Variants in OSBPL6 observed in about 807,000 individuals in gnomAD.
The protein encoded by OSBPL6 is oxysterol binding protein like 6.
OSBPL6 carries 49 observed loss-of-function variants against 125.8 expected under a neutral mutation model. The ratio of observed to expected loss-of-function variants is 0.39; its 90% CI spans 0.31 to 0.49. OSBPL6 has a LOEUF of 0.49. OSBPL6 is among the 20% of genes least tolerant of loss of function. The pLI is 0.88. For synonymous variants in OSBPL6, 394 were observed against 391.8 expected (o/e 1.01, Z -0.07); for missense variants, 986 against 1,135.4 (o/e 0.87, Z 1.89).
At chr2:178,379,788 C>T (rs143484887) in intron 15 of OSBPL6, among the ~76,000 whole-genome samples, 6 of 152,252 alleles carry the variant, frequency 3.9e-5, no homozygotes, top group South Asian at 2.1e-4. Flanking sequence ...GAACCAGTTG[C>T]AGCGGGAAAA....
At chr2:178,314,888 C>G (rs920805457) in intron 3 of OSBPL6, among the ~76,000 whole-genome samples, 2 of 152,186 alleles carry the variant, frequency 1.3e-5, no homozygotes, top group Non-Finnish European at 2.9e-5. Flanking sequence ...GCTTGCCAAG[C>G]TGGATGTCCA....
chr2:178,254,325 G>A (rs758662404), intron 1 of OSBPL6, among the ~76,000 whole-genome samples: 27 of 151,634 alleles, frequency 1.8e-4, no homozygotes, highest in Non-Finnish European at 3.1e-4. Context: ...CCCGAGAGGC[G>A]GAGGTTGCAG....
At chr2:178,269,408 G>T (rs2092323147) in intron 1 of OSBPL6, among the ~76,000 whole-genome samples, 1 of 152,064 alleles carries the variant, frequency 6.6e-6, no homozygotes, top group Admixed American at 6.6e-5. Context: ...ACTTCTCTTG[G>T]GTATATAACA....
intron 1 of OSBPL6, among the ~76,000 whole-genome samples, chr2:178,223,727 C>T (rs2090436964): frequency 6.6e-6 from 1 of 152,176 alleles, no homozygotes; most frequent in African/African-American, 2.4e-5. Context: ...AGCACACTCA[C>T]CTATTGTTAC....
At chr2:178,331,690 G>T in intron 6 of OSBPL6, 85 bp downstream of exon 6, 1 of 1,410,160 alleles carries the variant, frequency 7.1e-7, no homozygotes, top group Non-Finnish European at 1.0e-6. Flanking sequence ...CAAGCCTTGT[G>T]CCATAGTTAC....
chr2:178,270,685 G>A (rs758564678), intron 1 of OSBPL6, among the ~76,000 whole-genome samples: 1 of 152,110 alleles, frequency 6.6e-6, no homozygotes, highest in Non-Finnish European at 1.5e-5. Flanking sequence ...AATCTTTTGG[G>A]GATGTAATTT....
rs1396064401 is a variant in OSBPL6 at position 178,306,302 on chromosome 2, TA to T, written c.102+18del. ...CAGTAGGCAGGTAAGAGAAGAGCAT[TA>T]AGTGCCTTTGGTTGTTTTATGCAAA... On this transcript the variant is annotated intron_variant, in intron 3 of 24. Coordinates refer to ENST00000190611, the MANE Select transcript of OSBPL6 (RefSeq NM_032523.4). 1.3e-6 allele frequency: 2 copies of T among 1,503,728 alleles called. No homozygotes were observed. Among genetic ancestry groups the T allele is most frequent in the Non-Finnish European group, 1.9e-6 (2 of 1,079,500 alleles). 93.1% of individuals were successfully genotyped at this position (1,503,728 alleles called of 1,614,324 possible).
chr2:178,295,162 C>A (rs914568575), intron 2 of OSBPL6, among the ~76,000 whole-genome samples: 1 of 152,102 alleles, frequency 6.6e-6, no homozygotes, highest in African/African-American at 2.4e-5. Context: ...ATAGGGAAAT[C>A]TGGAGTTGGT....
At chr2:178,375,355 T>C (rs1187002816) in intron 15 of OSBPL6, among the ~76,000 whole-genome samples, 2 of 152,208 alleles carry the variant, frequency 1.3e-5, no homozygotes, top group Non-Finnish European at 2.9e-5. Flanking sequence ...TTTCTGACTC[T>C]GCCTTGCTGA....
Position 178,283,519 on chromosome 2 carries a change from G to A in OSBPL6, c.-350-1408G>A, listed in dbSNP as rs115911523. Among the ~76,000 whole-genome samples the A allele has an allele frequency of 7.1e-3, 1,074 of 152,274 alleles. 15 individuals carry two copies. Among genetic ancestry groups the A allele is most frequent in the African/African-American group, 0.025 (1,043 of 41,544 alleles). ...GGTTTATGGCTGGAAGGATAAAAAC[G>A]TCTGTCATGTTTCAGGATCAGAGAG... is the stretch of plus-strand genomic sequence containing the variant. On this transcript the variant is annotated intron_variant, in intron 1 of 24. Transcript: ENST00000190611.
chr2:178,198,943 A>G (rs907989774), intron 1 of OSBPL6, among the ~76,000 whole-genome samples: 1 of 152,156 alleles, frequency 6.6e-6, no homozygotes, highest in African/African-American at 2.4e-5. Context: ...CAAATAGAAC[A>G]TTTCTTTCAA....
chr2:178,268,085 C>CTTT lies in OSBPL6; in HGVS notation c.-350-16830_-350-16828dup, dbSNP rs36020212. ...GGTGCTTTTAGATTATTTAAATTTT[C>CTTT]TTTTTTTTTTTTTTGAGATGGAGTT... On this transcript the variant is annotated intron_variant, in intron 1 of 24. Coordinates refer to ENST00000190611, the MANE Select transcript of OSBPL6 (RefSeq NM_032523.4). Among the ~76,000 whole-genome samples, 9 of 142,308 alleles carry CTTT rather than the reference C, an allele frequency of 6.3e-5. 1 individual carries two copies. The highest frequency in any genetic ancestry group is 1.8e-4 in the African/African-American group (7 of 38,726). The allele number at this position is 142,308 out of a possible 152,430, so 93.4% of individuals were successfully genotyped here.
At chr2:178,335,841 T>G (rs1689631544) in intron 8 of OSBPL6, among the ~76,000 whole-genome samples, 1 of 152,180 alleles carries the variant, frequency 6.6e-6, no homozygotes, top group African/African-American at 2.4e-5. Context: ...CAATACGAAT[T>G]CAAGGCATTG....
intron 1 of OSBPL6, among the ~76,000 whole-genome samples, chr2:178,271,592 A>C (rs13401080): frequency 0.052 from 7,913 of 152,292 alleles, 374 homozygotes; most frequent in African/African-American, 0.12. Flanking sequence ...GCTCTATTTT[A>C]TCATTTCAAA....
Position 178,247,311 on chromosome 2 carries a change from G to T in OSBPL6, c.-350-37616G>T, listed in dbSNP as rs2091531534. ...ATTTTTGTATTTCTGATTCTAGGTG[G>T]TTTTTTCTAAATTCTCCAAAATGCT... On this transcript the variant is annotated intron_variant, in intron 1 of 24. Transcript: ENST00000190611. Among the ~76,000 whole-genome samples the T allele has an allele frequency of 2.0e-5, 3 of 151,998 alleles. 1 individual carries two copies. Among genetic ancestry groups the T allele is most frequent in the South Asian group, 4.2e-4 (2 of 4,812 alleles).
At chr2:178,338,222 C>T (rs960177257) in intron 9 of OSBPL6, among the ~76,000 whole-genome samples, 24 of 152,030 alleles carry the variant, frequency 1.6e-4, no homozygotes, top group Admixed American at 1.0e-3. Context: ...CATGAGCCAC[C>T]GCACCCAGCC....
chr2:178,356,173 A>G (rs1331020677), intron 12 of OSBPL6, among the ~76,000 whole-genome samples: 6 of 152,106 alleles, frequency 3.9e-5, no homozygotes, highest in African/African-American at 1.4e-4. Flanking sequence ...TTTGAAAACC[A>G]GCACAAGACA....
At chr2:178,230,911 A>T (rs190193969) in intron 1 of OSBPL6, among the ~76,000 whole-genome samples, 7 of 152,326 alleles carry the variant, frequency 4.6e-5, no homozygotes, top group Admixed American at 1.3e-4. Context: ...TATAATTAGC[A>T]CTATAGTGAA....
intron 1 of OSBPL6, among the ~76,000 whole-genome samples, chr2:178,279,148 T>G (rs2092527908): frequency 6.6e-6 from 1 of 152,228 alleles, no homozygotes; most frequent in South Asian, 2.1e-4. Flanking sequence ...GTGCTGGGGT[T>G]TGCTTAATCT....
Sources: allele counts gnomAD v4.1 joint callset (sites outside exome capture counted in the v4.1 genomes callset), GRCh38; gene constraint gnomAD v4.1.1; transcripts MANE v1.5; gene names NCBI Gene and HGNC (gene_info 2026-07-23, HGNC 2026-07-21).